Variants in PAQR6 observed in about 807,000 individuals in gnomAD.
The protein encoded by PAQR6 is progestin and adipoQ receptor family member 6, also known as membrane progestin receptor delta.
In PAQR6, 34 loss-of-function variants were observed where a neutral mutation model predicts 36.2. The observed-to-expected ratio is 0.94, with a 90% confidence interval of 0.71 to 1.25. The LOEUF (loss-of-function observed/expected upper bound fraction) is 1.25. Among genes scored for constraint, PAQR6 ranks in the 50% most tolerant of loss-of-function variants. PAQR6 has a pLI of 0.00. For missense variants in PAQR6, 431 were observed against 445.7 expected, an observed-to-expected ratio of 0.97 and a Z score of 0.30; for synonymous variants, 190 against 190.7, an observed-to-expected ratio of 1.00 and a Z score of 0.03.
At position 156,245,937 on chromosome 1, in the gene PAQR6, G is replaced by T. The variant is rs1660385752; in HGVS notation, c.230C>A (p.Ala77Glu). The change falls in exon 4 of 8, where the codon GCG (alanine) becomes GAG (glutamate). Residue 77 changes from alanine (A) to glutamate (E), a missense_variant. Ala to Glu is a moderately radical substitution (Grantham distance 107). Coordinates refer to ENST00000292291, the MANE Select transcript of PAQR6 (RefSeq NM_198406.3). ...CAGCAGCGGCCAGTGGTACGGCTCC[G>T]CACGGAAGCCGGGGCCGCCCGCCAG... ...LALAGGPGFR[A>E]EPYHWPLLVF... 6.5e-7 allele frequency: 1 copy of T among 1,543,290 alleles called. No homozygotes were observed. The highest frequency in any genetic ancestry group is 8.7e-7 in the Non-Finnish European group (1 of 1,146,574).
chr1:156,246,655 G>A, intron 2 of PAQR6, 26 bp downstream of exon 2: 5 of 1,611,724 alleles, frequency 3.1e-6, no homozygotes, highest in Non-Finnish European at 3.4e-6. Context: ...ATGGGGGTTG[G>A]TGGGTCAGTG....
chr1:156,244,915 T>C lies in PAQR6; in HGVS notation c.610-4A>G, dbSNP rs1338293393. 6.2e-7 allele frequency: 1 copy of C among 1,611,406 alleles called. No individual in the cohort carries two copies. Among genetic ancestry groups the C allele is most frequent in the African/African-American group, 1.3e-5 (1 of 74,864 alleles). Reference sequence around the variant, plus strand: ...CCCTGCCCCAGCACAGCCCGAGCTGTCAAAGGAAAACCAAGGCTGCTGGGG... The same window carrying C: ...CCCTGCCCCAGCACAGCCCGAGCTGCCAAAGGAAAACCAAGGCTGCTGGGG... On this transcript the variant is annotated splice_polypyrimidine_tract_variant and splice_region_variant and intron_variant, in intron 6 of 7. Transcript: ENST00000292291.
Position 156,245,232 on chromosome 1 carries a change from C to T in PAQR6, c.519G>A (p.Leu173=). Residue 173 remains leucine (L), a synonymous_variant, in exon 6 of 8, where the codon CTG becomes CTA. Coordinates refer to ENST00000292291, the MANE Select transcript of PAQR6 (RefSeq NM_198406.3). Reference sequence around the variant, plus strand: ...TACTGAGCCCAGGGCTTTCCAGCTCCAGGAAACTGGGAGGCGGGAGGAAAA... The same window carrying T: ...TACTGAGCCCAGGGCTTTCCAGCTCTAGGAAACTGGGAGGCGGGAGGAAAA... ...CTGLSCYSRF[L]ELESPGLSKV... 1 of 1,614,022 alleles carries T rather than the reference C, an allele frequency of 6.2e-7. No individual in the cohort carries two copies. The highest frequency in any genetic ancestry group is 1.6e-4 in the Middle Eastern group (1 of 6,062).
rs777438448 is a variant in PAQR6, at chr1:156,244,832, G to A, written c.689C>T (p.Ala230Val). The change falls in exon 7 of 8, where the codon GCG (alanine) becomes GTG (valine). Residue 230 changes from alanine (A) to valine (V), a missense_variant. Transcript: ENST00000292291. ...STSHGYHLFC[A>V]LLTGFLFASH... The stretch of plus-strand genomic sequence containing the variant: ...GGCGAAGAGGAAGCCAGTGAGCAGC[G>A]CGCAGAAGAGATGGTAGCCATGGCT... 2.0e-5 allele frequency: 33 copies of A among 1,613,462 alleles called. No homozygotes were observed. Among genetic ancestry groups the A allele is most frequent in the South Asian group, 8.8e-5 (8 of 91,090 alleles).
chr1:156,244,744 G>C lies in PAQR6; in HGVS notation c.760+17C>G, dbSNP rs762756732. On this transcript the variant is annotated intron_variant, in intron 7 of 7. Transcript: ENST00000292291. ...CTGCCCCTGCCTCTTCCCGGGCCGG[G>C]CCAGGCGTGCCCTCACCGATGTAAT... The C allele has an allele frequency of 2.7e-5, 44 of 1,613,688 alleles. No homozygotes were observed. Among genetic ancestry groups the C allele is most frequent in the Non-Finnish European group, 3.6e-5 (43 of 1,180,030 alleles).
Position 156,244,871 on chromosome 1 carries a change from TCCTGCCCACAGCCGTGGCC to T in PAQR6, c.631_649del (p.Gly211ArgfsTer3). ...GTAGCCATGGCTGGTGCTCAGGGCCTCCTGCCCACAGCCGTGGCCCCTGCCCCAGCACAGCCCGAGCTGT... is the reference window on the plus strand; with the variant it reads ...GTAGCCATGGCTGGTGCTCAGGGCCTCCTGCCCCAGCACAGCCCGAGCTGT... On this transcript the variant is annotated frameshift_variant, in exon 7 of 8. Transcript: ENST00000292291. LOFTEE classifies it high-confidence loss of function. 6.2e-7 allele frequency: 1 copy of T among 1,613,128 alleles called. No homozygotes were observed. The highest frequency in any genetic ancestry group is 8.5e-7 in the Non-Finnish European group (1 of 1,179,968).
chr1:156,246,670 G>A lies in PAQR6; in HGVS notation c.51+11C>T, dbSNP rs1349108665. 3.1e-6 allele frequency: 5 copies of A among 1,613,222 alleles called. No individual in the cohort carries two copies. The highest frequency in any genetic ancestry group is 4.2e-6 in the Non-Finnish European group (5 of 1,179,552). On this transcript the variant is annotated intron_variant, in intron 2 of 7. Coordinates refer to ENST00000292291, the MANE Select transcript of PAQR6 (RefSeq NM_198406.3). ...ATGGGGGTTGGTGGGTCAGTGGGTG[G>A]AGCCCCTCACCCGGGGGACCTGGTG...
Position 156,244,265 on chromosome 1 carries a change from G to C in PAQR6, c.899C>G (p.Ala300Gly), listed in dbSNP as rs776528069. ...EPALGLAGTV[A>G]TLVLAAAGNL... is the part of the protein sequence containing the mutation. ...CCCAGCTGCAGCCAAGACCAGTGTG[G>C]CCACTGTGCCTGCCAGGCCCAGGGC... Residue 300 changes from alanine to glycine, a missense_variant, in exon 8 of 8, where the codon GCC becomes GGC. Transcript: ENST00000292291. The C allele has an allele frequency of 1.9e-6, 3 of 1,613,652 alleles. No individual in the cohort carries two copies. The East Asian group carries it at 6.7e-5, about 36-fold the overall frequency.
Position 156,244,392 on chromosome 1 carries a change from G to C in PAQR6, c.772C>G (p.Gln258Glu). 1 of 1,525,314 alleles carries C rather than the reference G, an allele frequency of 6.6e-7. No homozygotes were observed. Among genetic ancestry groups the C allele is most frequent in the Non-Finnish European group, 8.8e-7 (1 of 1,130,304 alleles). The allele number at this position is 1,525,314 out of a possible 1,614,324, so 94.5% of individuals were successfully genotyped here. ...AGCACTGCACAGATGTGGAATAACT[G>C]GTGGCTGTGGCCTGTGGAGAGGATG... ...GRFDYIGHSHQLFHICAVLGT... is the reference protein window; with the variant it reads ...GRFDYIGHSHELFHICAVLGT... Residue 258 changes from glutamine (Q) to glutamate (E), a missense_variant, in exon 8 of 8, where the codon CAG becomes GAG. Transcript: ENST00000292291.
rs1158021672 is a variant in PAQR6, at chr1:156,245,859, G to A, written c.308C>T (p.Thr103Ile). 1.2e-6 allele frequency: 2 copies of A among 1,604,776 alleles called. No individual in the cohort carries two copies. Among genetic ancestry groups the A allele is most frequent in the Non-Finnish European group, 1.7e-6 (2 of 1,176,424 alleles). Residue 103 changes from threonine to isoleucine, a missense_variant, in exon 4 of 8, where the codon ACC (threonine) becomes ATC (isoleucine). Physicochemically the swap from Thr to Ile is moderately conservative, Grantham distance 89. Transcript: ENST00000292291. ...CATGCGGGGCGACATGGAGCTGAAG[G>A]TGTGCGCGCAGCACGACGCGAAGGG... The part of the protein sequence containing the change: ...LYPFASCCAH[T>I]FSSMSPRMRH...
intron 4 of PAQR6, 24 bp downstream of exon 4, chr1:156,245,758 C>T (rs1245970801): frequency 6.4e-7 from 1 of 1,573,658 alleles, no homozygotes; most frequent in South Asian, 1.1e-5. Context: ...CCAGACCCCG[C>T]GCTCCCGCGC....
rs1659608574 is a variant in PAQR6, at chr1:156,243,329, G to C, written c.*800C>G. The stretch of plus-strand genomic sequence containing the variant: ...CTCCAGAAGAGGAATCTGTGGGCCT[G>C]TGAGTCTGTCCAGTTTATGGAGTGT... On this transcript the variant is annotated 3_prime_UTR_variant, in exon 8 of 8. Transcript: ENST00000292291. The C allele has an allele frequency of 8.3e-7, 1 of 1,203,876 alleles. No individual in the cohort carries two copies. The highest frequency in any genetic ancestry group is 1.5e-5 in the African/African-American group (1 of 65,260). The allele number at this position is 1,203,876 out of a possible 1,614,324, so 74.6% of individuals were successfully genotyped here.
intron 2 of PAQR6, among the ~76,000 whole-genome samples, 196 bp from the exon 3 acceptor site, chr1:156,246,446 T>C (rs1212864792): frequency 1.3e-5 from 2 of 151,748 alleles, no homozygotes; most frequent in East Asian, 1.9e-4. Context: ...AAGAGCCAGA[T>C]TGGGGTGGGA....
At chr1:156,246,606 AAAGAG>A in intron 2 of PAQR6, 70 bp downstream of exon 2, 2 of 1,523,246 alleles carry the variant, frequency 1.3e-6, no homozygotes, top group Non-Finnish European at 1.8e-6. Context: ...CCAATAGCTA[AAAGAG>A]AAGAACGTCA....
chr1:156,245,807 G>T lies in PAQR6; in HGVS notation c.360C>A (p.Tyr120Ter). 1 of 1,603,676 alleles carries T rather than the reference G, an allele frequency of 6.2e-7. No individual in the cohort carries two copies. The highest frequency in any genetic ancestry group is 2.2e-5 in the East Asian group (1 of 44,448). The change falls in exon 4 of 8, where the codon TAC becomes TAA. Residue 120 changes from tyrosine to a stop codon, truncating the protein, a stop_gained. Transcript: ENST00000292291. LOFTEE classifies it high-confidence loss of function. ...CCAGACTGTAGAGGCTGAGCGCGCCGTAGTCGAGGAAGTAGCAGATGTGGC... is the reference window on the plus strand; with the variant it reads ...CCAGACTGTAGAGGCTGAGCGCGCCTTAGTCGAGGAAGTAGCAGATGTGGC... ...RMRHICYFLDYGALSLYSLGC... is the reference protein window; with the variant it reads ...RMRHICYFLD
At position 156,245,649 on chromosome 1, in the gene PAQR6, G is replaced by A. The variant is rs544084502; in HGVS notation, c.398C>T (p.Pro133Leu). The change falls in exon 5 of 8, where the codon CCC becomes CTC. Residue 133 changes from proline to leucine, a missense_variant. Transcript: ENST00000292291. ...GGCCGGCATGGAGTAGGCGGCATAG[G>A]GGAAGGCGCAGCCTGCGGTGAGGTG... ...LSLYSLGCAF[P>L]YAAYSMPASW... 9 of 1,613,088 alleles carry A rather than the reference G, an allele frequency of 5.6e-6. No individual in the cohort carries two copies. In the African/African-American group the frequency reaches 6.7e-5, roughly 12 times the overall value.
chr1:156,246,362 C>G, intron 2 of PAQR6, 112 bp from the exon 3 acceptor site: 1 of 997,658 alleles, frequency 1.0e-6, no homozygotes, highest in South Asian at 1.5e-5. Flanking sequence ...ACGTGGCCCC[C>G]AAGCCAAACT....
In PAQR6 at chr1:156,243,789, C is replaced by A. The variant is rs1038973469; in HGVS notation, c.*340G>T. On this transcript the variant is annotated 3_prime_UTR_variant, in exon 8 of 8. Coordinates refer to ENST00000292291, the MANE Select transcript of PAQR6 (RefSeq NM_198406.3). ...TGCTGAGCAGAGACTTCCAGAAGCA[C>A]CAGAAACGGAGCCAGATGAAAGGAC... 6.0e-6 allele frequency: 9 copies of A among 1,496,298 alleles called. No individual in the cohort carries two copies. The highest frequency in any genetic ancestry group is 1.4e-5 in the African/African-American group (1 of 71,662). The allele number at this position is 1,496,298 out of a possible 1,614,324, so 92.7% of individuals were successfully genotyped here.
At position 156,244,087 on chromosome 1, in the gene PAQR6, C is replaced by T; in HGVS notation, c.*42G>A. On this transcript the variant is annotated 3_prime_UTR_variant, in exon 8 of 8. Transcript: ENST00000292291. ...TCTGGGCTCCTCGTCAGCACTGGGG[C>T]CTGGCCTCTGCCCCCTCCAGGACAG... 6.2e-7 allele frequency: 1 copy of T among 1,611,698 alleles called. No homozygotes were observed. The highest frequency in any genetic ancestry group is 1.7e-5 in the Admixed American group (1 of 59,930).
Sources: allele counts gnomAD v4.1 joint callset (sites outside exome capture counted in the v4.1 genomes callset), GRCh38; gene constraint gnomAD v4.1.1; transcripts MANE v1.5; gene names NCBI Gene and HGNC (gene_info 2026-07-23, HGNC 2026-07-21).